The following KIF21A variants were observed in gnomAD, a reference collection of about 807,000 sequenced individuals.
KIF21A encodes the protein kinesin-like protein KIF21A.
In KIF21A, 114 loss-of-function variants were observed where a neutral mutation model predicts 202.9. That is an observed-to-expected ratio of 0.56 (90% CI 0.48 to 0.66). The LOEUF (loss-of-function observed/expected upper bound fraction) is 0.66. Among genes scored for constraint, KIF21A ranks in the 30% least tolerant of loss-of-function variants. KIF21A has a pLI of 0.00. For missense variants in KIF21A, 1,677 were observed against 1,994.9 expected, an observed-to-expected ratio of 0.84 and a Z score of 3.04; for synonymous variants, 667 against 670.8, an observed-to-expected ratio of 0.99 and a Z score of 0.09.
intron 1 of KIF21A, among the ~76,000 whole-genome samples, chr12:39,406,767 A>C (rs1024919782): frequency 1.3e-5 from 2 of 152,112 alleles, no homozygotes; most frequent in Non-Finnish European, 2.9e-5. Flanking sequence ...CACAATCTCC[A>C]CTTTACGTGT....
intron 1 of KIF21A, among the ~76,000 whole-genome samples, chr12:39,375,749 C>T (rs186208630): frequency 6.6e-6 from 1 of 152,210 alleles, no homozygotes. Context: ...AATGGGTTAG[C>T]TTGTTAGCTT....
rs529889400 is a variant in KIF21A, at chr12:39,442,502, A to C, written c.44+425T>G. On this transcript the variant is annotated intron_variant, in intron 1 of 37. Transcript: ENST00000361418. This position sits in a 1 kb window ranked among gnomAD's most constrained non-coding sequence, Gnocchi z 5.0. Reference sequence around the variant, plus strand: ...GAAGGCCGGAGCTGCATGGACACGTATGACAGACATTCTAGAACTAATAAA... The same window carrying C: ...GAAGGCCGGAGCTGCATGGACACGTCTGACAGACATTCTAGAACTAATAAA... 6.6e-6 allele frequency among the ~76,000 whole-genome samples: 1 copy of C among 152,202 alleles called. No individual in the cohort carries two copies. Among genetic ancestry groups the C allele is most frequent in the Non-Finnish European group, 1.5e-5 (1 of 67,990 alleles).
chr12:39,344,130 A>G (rs1035755123), intron 12 of KIF21A, among the ~76,000 whole-genome samples: 2 of 152,156 alleles, frequency 1.3e-5, no homozygotes, highest in Non-Finnish European at 2.9e-5. Context: ...AAAAGTAGGA[A>G]CCACCTAGAA....
intron 16 of KIF21A, among the ~76,000 whole-genome samples, chr12:39,337,825 A>G (rs765691226): frequency 6.6e-6 from 1 of 152,196 alleles, no homozygotes; most frequent in South Asian, 2.1e-4. Context: ...ATAATGTCAT[A>G]ACATCACATT....
chr12:39,310,028 G>A (rs1163104369), intron 32 of KIF21A, among the ~76,000 whole-genome samples: 1 of 151,910 alleles, frequency 6.6e-6, no homozygotes, highest in Non-Finnish European at 1.5e-5. Flanking sequence ...GAAAATTTTT[G>A]AAATGGTCAT....
At chr12:39,330,664 A>G in intron 23 of KIF21A, 82 bp downstream of exon 23, 1 of 1,179,728 alleles carries the variant, frequency 8.5e-7, no homozygotes, top group Admixed American at 1.7e-5. Context: ...GTCAAGCCAT[A>G]GGGGAAAGGG....
intron 1 of KIF21A, among the ~76,000 whole-genome samples, chr12:39,392,068 G>A (rs1420107986): frequency 6.6e-6 from 1 of 152,052 alleles, no homozygotes; most frequent in Non-Finnish European, 1.5e-5. Context: ...AGAAGCGATT[G>A]ATAAAGATGG....
chr12:39,378,242 A>T (rs1950384612), intron 1 of KIF21A, among the ~76,000 whole-genome samples: 1 of 152,296 alleles, frequency 6.6e-6, no homozygotes, highest in East Asian at 1.9e-4. Flanking sequence ...CGGTTCATCT[A>T]AGGACACAGA....
At chr12:39,383,941 G>C (rs1950779614) in intron 1 of KIF21A, among the ~76,000 whole-genome samples, 1 of 152,164 alleles carries the variant, frequency 6.6e-6, no homozygotes, top group African/African-American at 2.4e-5. Context: ...TTGATATTAA[G>C]GGTCTGAGTG....
In KIF21A at chr12:39,326,190, ATTGT is replaced by A. The variant is rs1218428464; in HGVS notation, c.3401+70_3401+73del. On this transcript the variant is annotated intron_variant, in intron 25 of 37. Transcript: ENST00000361418. ...TGAAAATTATTTCTGTTTTATGGTAATTGTTTGATACAAGATGAAAGTATTTAAA... is the reference window on the plus strand; with the variant it reads ...TGAAAATTATTTCTGTTTTATGGTAATTGATACAAGATGAAAGTATTTAAA... 4.2e-5 allele frequency: 47 copies of A among 1,123,990 alleles called. No individual in the cohort carries two copies. The Admixed American group carries it at 5.7e-4, about 14-fold the overall frequency. The allele number at this position is 1,123,990 out of a possible 1,614,324, so 69.6% of individuals were successfully genotyped here.
chr12:39,316,300 C>T (rs191727588), intron 29 of KIF21A, among the ~76,000 whole-genome samples: 497 of 152,130 alleles, frequency 3.3e-3, no homozygotes, highest in Non-Finnish European at 6.0e-3. Flanking sequence ...AAGGTTTGCT[C>T]TATTTAATTT....
chr12:39,423,587 C>T (rs1293568111), intron 1 of KIF21A, among the ~76,000 whole-genome samples: 2 of 151,172 alleles, frequency 1.3e-5, no homozygotes, highest in African/African-American at 4.9e-5. Context: ...CCGTGGCTCA[C>T]GCTGTAGTCT....
chr12:39,407,449 G>A (rs1952685729), intron 1 of KIF21A, among the ~76,000 whole-genome samples: 1 of 151,966 alleles, frequency 6.6e-6, no homozygotes, highest in South Asian at 2.1e-4. Flanking sequence ...ACTCATCCCT[G>A]AAAACCCACT....
chr12:39,309,442 T>G (rs900437809), intron 33 of KIF21A, 144 bp downstream of exon 33: 61 of 621,418 alleles, frequency 9.8e-5, no homozygotes, highest in Non-Finnish European at 3.0e-5. Context: ...CTTTTCTTTG[T>G]GAACACTTTA....
At chr12:39,295,907 G>C (rs2136998464) in intron 37 of KIF21A, among the ~76,000 whole-genome samples, 1 of 150,444 alleles carries the variant, frequency 6.6e-6, no homozygotes, top group Non-Finnish European at 1.5e-5. Context: ...GTTTCACCAT[G>C]TTGGCCAGCC....
intron 29 of KIF21A, 54 bp from the exon 30 acceptor site, chr12:39,316,024 A>C: frequency 1.6e-6 from 2 of 1,238,310 alleles, no homozygotes; most frequent in Non-Finnish European, 2.4e-6. Flanking sequence ...TCAACAGGTA[A>C]GGACACTGAC....
intron 1 of KIF21A, among the ~76,000 whole-genome samples, chr12:39,403,201 G>A (rs567981996): frequency 1.2e-4 from 18 of 152,090 alleles, no homozygotes; most frequent in African/African-American, 4.3e-4. Context: ...TGAACACCTG[G>A]GGGCTCTATG....
intron 1 of KIF21A, among the ~76,000 whole-genome samples, chr12:39,422,723 A>G (rs1207812473): frequency 6.6e-6 from 1 of 152,224 alleles, no homozygotes; most frequent in Non-Finnish European, 1.5e-5. Flanking sequence ...ACTGTTCACC[A>G]AAGTCTCCAC....
intron 30 of KIF21A, 93 bp from the exon 31 acceptor site, chr12:39,315,333 G>A: frequency 9.0e-7 from 1 of 1,116,508 alleles, no homozygotes. Flanking sequence ...GAATGAGACA[G>A]AGAGAAAGAG....
Sources: allele counts gnomAD v4.1 joint callset (sites outside exome capture counted in the v4.1 genomes callset), GRCh38; gene constraint gnomAD v4.1.1; non-coding constraint Gnocchi (gnomAD v3.1); transcripts MANE v1.5; gene names NCBI Gene and HGNC (gene_info 2026-07-23, HGNC 2026-07-21).